TSPAN12: variants seen among roughly 807,000 people sequenced by gnomAD.
TSPAN12 encodes tetraspanin 12, also known as tetraspanin-12.
TSPAN12 carries 19 observed loss-of-function variants against 39.2 expected under a neutral mutation model. The ratio of observed to expected loss-of-function variants is 0.49; its 90% confidence interval spans 0.34 to 0.71. TSPAN12 has a LOEUF of 0.71. TSPAN12 is among the 30% of genes least tolerant of loss of function. The pLI is 0.01. For missense variants in TSPAN12, 314 were observed against 359.9 expected, an observed-to-expected ratio of 0.87 and a Z score of 1.03; for synonymous variants, 119 against 124.8, an observed-to-expected ratio of 0.95 and a Z score of 0.31.
chr7:120,820,573 T>C (rs993983917), intron 4 of TSPAN12, among the ~76,000 whole-genome samples: 4 of 152,204 alleles, frequency 2.6e-5, no homozygotes, highest in Middle Eastern at 6.8e-3. Flanking sequence ...GTGTCGGGGT[T>C]TCCTTGTCTG....
chr7:120,799,631 TTATA>T (rs933663835), intron 7 of TSPAN12, among the ~76,000 whole-genome samples: 11 of 96,314 alleles, frequency 1.1e-4, no homozygotes, highest in Non-Finnish European at 1.6e-4. Context: ...AATATAATTA[TTATA>T]TATACTTATA....
At chr7:120,805,211 T>C (rs909406627) in intron 7 of TSPAN12, among the ~76,000 whole-genome samples, 1 of 152,134 alleles carries the variant, frequency 6.6e-6, no homozygotes, top group African/African-American at 2.4e-5. Flanking sequence ...TCTTCTGAGA[T>C]ATGAGTAACA....
In TSPAN12 at chr7:120,815,721, G is replaced by T; in HGVS notation, c.360+8C>A. 6.2e-7 allele frequency: 1 copy of T among 1,610,132 alleles called. No individual in the cohort carries two copies. The highest frequency in any genetic ancestry group is 1.1e-5 in the South Asian group (1 of 90,770). Reference sequence around the variant, plus strand: ...TTTAGATTGTGATTATATCTATTTTGAACTCACCATAAGTTCCTGTTCATA... The same window carrying T: ...TTTAGATTGTGATTATATCTATTTTTAACTCACCATAAGTTCCTGTTCATA... On this transcript the variant is annotated splice_region_variant and intron_variant, in intron 5 of 7. Transcript: ENST00000222747.
chr7:120,801,901 AT>A (rs1299500119), intron 7 of TSPAN12, among the ~76,000 whole-genome samples: 1 of 152,220 alleles, frequency 6.6e-6, no homozygotes, highest in Non-Finnish European at 1.5e-5. Flanking sequence ...TGGAAAAAAA[AT>A]GGATATAAAA....
At chr7:120,813,247 A>G (rs1475438378) in intron 5 of TSPAN12, among the ~76,000 whole-genome samples, 4 of 152,222 alleles carry the variant, frequency 2.6e-5, no homozygotes, top group Non-Finnish European at 4.4e-5. Context: ...AAAAAACCTG[A>G]CAAACTTTTT....
At chr7:120,823,197 A>T (rs1794221021) in intron 4 of TSPAN12, among the ~76,000 whole-genome samples, 1 of 152,066 alleles carries the variant, frequency 6.6e-6, no homozygotes, top group Admixed American at 6.5e-5. Flanking sequence ...AGGCAAAGGA[A>T]ATTCCAGAAC....
intron 2 of TSPAN12, among the ~76,000 whole-genome samples, chr7:120,852,257 A>T (rs1241864112): frequency 1.3e-5 from 2 of 152,154 alleles, no homozygotes; most frequent in Non-Finnish European, 2.9e-5. Context: ...AAATAGATTT[A>T]AAAAAACTAA....
At chr7:120,790,488 TTAGAAAG>T (rs1793501293) in intron 7 of TSPAN12, among the ~76,000 whole-genome samples, 1 of 152,052 alleles carries the variant, frequency 6.6e-6, no homozygotes, top group South Asian at 2.1e-4. Flanking sequence ...AGTTCACAGA[TTAGAAAG>T]TAGAAAGATC....
intron 5 of TSPAN12, chr7:120,813,898 T>A (rs1382507361): frequency 6.3e-6 from 1 of 159,206 alleles, no homozygotes; most frequent in East Asian, 1.9e-4. Flanking sequence ...GCAAACAAAT[T>A]CCTATATTAA....
At chr7:120,825,029 T>C (rs1455901592) in intron 4 of TSPAN12, among the ~76,000 whole-genome samples, 2 of 151,998 alleles carry the variant, frequency 1.3e-5, no homozygotes, top group African/African-American at 4.8e-5. Flanking sequence ...AAAAACTCTG[T>C]ATCTACCTCA....
chr7:120,843,901 T>C (rs189148324), intron 2 of TSPAN12, among the ~76,000 whole-genome samples: 1 of 152,282 alleles, frequency 6.6e-6, no homozygotes, highest in East Asian at 1.9e-4. Flanking sequence ...GAAAAGTCTA[T>C]TAATGTGGTG....
In TSPAN12 at chr7:120,796,369, C is replaced by CAA. The variant is rs373554047; in HGVS notation, c.613-7474_613-7473dup. 1.4e-3 allele frequency among the ~76,000 whole-genome samples: 210 copies of CAA among 152,284 alleles called. 2 individuals are homozygous for CAA. Among genetic ancestry groups the CAA allele is most frequent in the African/African-American group, 4.8e-3 (201 of 41,556 alleles). On this transcript the variant is annotated intron_variant, in intron 7 of 7. Coordinates refer to ENST00000222747, the MANE Select transcript of TSPAN12 (RefSeq NM_012338.4). Reference sequence around the variant, plus strand: ...ATACACACTTCACTGTCATTTCAAGCAAAACTAAGGACAATTTAGTTAGTC... The same window carrying CAA: ...ATACACACTTCACTGTCATTTCAAGCAAAAAACTAAGGACAATTTAGTTAGTC...
rs1443264915 is a variant in TSPAN12, at chr7:120,837,372, C to T, written c.285+1405G>A. 2.0e-4 allele frequency among the ~76,000 whole-genome samples: 30 copies of T among 149,840 alleles called. No homozygotes were observed. In the South Asian group the frequency reaches 2.3e-3, roughly 12 times the overall value. ...TGTCGCCCAGGCTGGAGTGCAGTGA[C>T]GTGATCTCGGCTCACTGCAACCTCC... On this transcript the variant is annotated intron_variant, in intron 4 of 7. Transcript: ENST00000222747.
At chr7:120,820,722 G>T (rs1794173300) in intron 4 of TSPAN12, among the ~76,000 whole-genome samples, 2 of 152,052 alleles carry the variant, frequency 1.3e-5, no homozygotes, top group Admixed American at 1.3e-4. Context: ...TATCCCCAGT[G>T]CCCAAGCAGC....
chr7:120,851,830 C>T (rs2116504752), intron 2 of TSPAN12, among the ~76,000 whole-genome samples: 1 of 152,278 alleles, frequency 6.6e-6, no homozygotes, highest in Non-Finnish European at 1.5e-5. Flanking sequence ...CACAGACCCA[C>T]AATACTCATG....
At chr7:120,818,783 G>A (rs1794132751) in intron 4 of TSPAN12, among the ~76,000 whole-genome samples, 1 of 151,898 alleles carries the variant, frequency 6.6e-6, no homozygotes, top group African/African-American at 2.4e-5. Flanking sequence ...CAGTACTCAT[G>A]GTCAGCTTTA....
At chr7:120,794,791 T>C (rs1284385779) in intron 7 of TSPAN12, among the ~76,000 whole-genome samples, 1 of 152,056 alleles carries the variant, frequency 6.6e-6, no homozygotes, top group African/African-American at 2.4e-5. Context: ...TTTTCCAGAT[T>C]TGTCTGTATA....
chr7:120,832,872 G>A (rs1408422608), intron 4 of TSPAN12, among the ~76,000 whole-genome samples: 1 of 152,062 alleles, frequency 6.6e-6, no homozygotes, highest in Non-Finnish European at 1.5e-5. Flanking sequence ...CATACCAAAA[G>A]ACCATATTTT....
chr7:120,806,472 T>G (rs934653707), intron 7 of TSPAN12, 77 bp downstream of exon 7: 1 of 1,539,244 alleles, frequency 6.5e-7, no homozygotes, highest in Non-Finnish European at 8.9e-7. Flanking sequence ...GAAAATTTCA[T>G]TGGCATATTG....
Sources: gnomAD v4.1 joint callset for allele counts (sites outside exome capture counted in the v4.1 genomes callset) on GRCh38, gnomAD v4.1.1 for gene constraint, MANE v1.5 for transcripts, NCBI Gene and HGNC (gene_info 2026-07-23, HGNC 2026-07-21) for gene names.